The following MTMR2 variants were observed in gnomAD, a reference collection of about 807,000 sequenced individuals.
The protein encoded by MTMR2 is phosphatidylinositol-3,5-bisphosphate 3-phosphatase MTMR2.
A neutral mutation model predicts 86.9 loss-of-function variants in MTMR2; 55 were observed. The observed-to-expected ratio is 0.63, with a 90% CI of 0.51 to 0.79. The LOEUF is 0.79. MTMR2 is among the 30% of genes least tolerant of loss of function. MTMR2 has a pLI of 0.00. For missense variants in MTMR2, 659 were observed against 772.3 expected (o/e 0.85, Z 1.74); for synonymous variants, 241 against 266.8 (o/e 0.90, Z 0.94).
chr11:95,900,206 C>T (rs1382433900), intron 1 of MTMR2, among the ~76,000 whole-genome samples: 1 of 152,080 alleles, frequency 6.6e-6, no homozygotes, highest in Non-Finnish European at 1.5e-5. Context: ...ACTTGAGGTT[C>T]TTGCAAAACA....
rs12385798 is a variant in MTMR2 at position 95,888,137 on chromosome 11, T to A, written c.186+19A>T. The A allele has an allele frequency of 0.047, 73,323 of 1,550,676 alleles. 3,496 individuals are homozygous for A. The highest frequency in any genetic ancestry group is 0.18 in the African/African-American group (13,475 of 73,776). On this transcript the variant is annotated intron_variant, in intron 2 of 14. Transcript: ENST00000346299. ...TTAACAGAAAGTACTTCATCAGAACTTTAAAATAGTATACATACCCTCAAA... is the reference window on the plus strand; with the variant it reads ...TTAACAGAAAGTACTTCATCAGAACATTAAAATAGTATACATACCCTCAAA...
intron 1 of MTMR2, among the ~76,000 whole-genome samples, chr11:95,900,506 T>G (rs1248009135): frequency 6.6e-6 from 1 of 152,218 alleles, no homozygotes; most frequent in Admixed American, 6.5e-5. Context: ...GTTTTAGAAA[T>G]ACTTATTTGA....
intron 1 of MTMR2, among the ~76,000 whole-genome samples, chr11:95,891,385 A>AG (rs1339540800): frequency 6.6e-6 from 1 of 151,734 alleles, no homozygotes; most frequent in Non-Finnish European, 1.5e-5. Flanking sequence ...TGGCAGGTAG[A>AG]GGTTGCAGTG....
At chr11:95,855,269 T>G (rs1864168481) in intron 7 of MTMR2, among the ~76,000 whole-genome samples, 1 of 152,204 alleles carries the variant, frequency 6.6e-6, no homozygotes, top group Non-Finnish European at 1.5e-5. Flanking sequence ...ATTTACTTAT[T>G]TTTTGAGACA....
At position 95,863,283 on chromosome 11, in the gene MTMR2, T is replaced by C. The variant is rs188652996; in HGVS notation, c.263-917A>G. On this transcript the variant is annotated intron_variant, in intron 3 of 14. Coordinates refer to ENST00000346299, the MANE Select transcript of MTMR2 (RefSeq NM_016156.6). ...CCTTTCAACGGGCTTCTGGGAAAAC[T>C]TGGGGCCATGAAATATATTTAATAA... Among the ~76,000 whole-genome samples the C allele has an allele frequency of 1.3e-3, 193 of 152,250 alleles. 1 individual carries two copies. The highest frequency in any genetic ancestry group is 4.3e-3 in the African/African-American group (179 of 41,544).
At chr11:95,855,251 TTTTA>T (rs35899327) in intron 7 of MTMR2, among the ~76,000 whole-genome samples, 21,465 of 152,032 alleles carry the variant, frequency 0.14, 2,038 homozygotes, top group African/African-American at 0.26. Flanking sequence ...CTTTGTCCAT[TTTTA>T]TTTATTTACT....
chr11:95,873,401 G>A (rs2135508786), intron 2 of MTMR2, among the ~76,000 whole-genome samples: 1 of 152,300 alleles, frequency 6.6e-6, no homozygotes, highest in Non-Finnish European at 1.5e-5. Context: ...GCATAGAGGT[G>A]TTTATAGTAT....
chr11:95,848,402 C>G (rs1863884982), intron 9 of MTMR2, among the ~76,000 whole-genome samples: 1 of 152,084 alleles, frequency 6.6e-6, no homozygotes, highest in African/African-American at 2.4e-5. Context: ...TCTTTTTTAA[C>G]CACATAATTC....
chr11:95,897,593 C>A (rs1474839883), intron 1 of MTMR2, among the ~76,000 whole-genome samples: 1 of 152,114 alleles, frequency 6.6e-6, no homozygotes, highest in Non-Finnish European at 1.5e-5. Flanking sequence ...TGACATCTAT[C>A]AACAAATATT....
rs147373384 is a variant in MTMR2 at position 95,865,899 on chromosome 11, C to T, written c.187-223G>A. Among the ~76,000 whole-genome samples, 220 of 146,130 alleles carry T rather than the reference C, an allele frequency of 1.5e-3. 2 individuals are homozygous for T. The highest frequency in any genetic ancestry group is 4.3e-3 in the South Asian group (21 of 4,830). On this transcript the variant is annotated intron_variant, in intron 2 of 14. Transcript: ENST00000346299. Reference sequence around the variant, plus strand: ...GCTTAAATCATATCAAAGCACTCTACATTTGTTACACAAAAAATTGTACAT... The same window carrying T: ...GCTTAAATCATATCAAAGCACTCTATATTTGTTACACAAAAAATTGTACAT...
At chr11:95,884,674 C>T (rs1430731593) in intron 2 of MTMR2, among the ~76,000 whole-genome samples, 1 of 152,068 alleles carries the variant, frequency 6.6e-6, no homozygotes, top group Admixed American at 6.6e-5. Context: ...TTGTTAGAAG[C>T]ACATCCCTTC....
At position 95,847,610 on chromosome 11, in the gene MTMR2, G is replaced by A. The variant is rs541804986; in HGVS notation, c.1179+104C>T. 9.4e-6 allele frequency: 10 copies of A among 1,064,164 alleles called. No individual in the cohort carries two copies. The African/African-American group carries it at 1.6e-4, about 17-fold the overall frequency. The allele number at this position is 1,064,164 out of a possible 1,614,324, so 65.9% of individuals were successfully genotyped here. ...TCAAAGCATTTACCCATTTTTCATT[G>A]TTTAGAAAGGTACCTTCATGTTGAT... On this transcript the variant is annotated intron_variant, in intron 10 of 14. Coordinates refer to ENST00000346299, the MANE Select transcript of MTMR2 (RefSeq NM_016156.6).
At chr11:95,857,393 T>A (rs564467377) in intron 7 of MTMR2, among the ~76,000 whole-genome samples, 159 bp downstream of exon 7, 1 of 152,110 alleles carries the variant, frequency 6.6e-6, no homozygotes, top group Non-Finnish European at 1.5e-5. Flanking sequence ...AAGAATGATA[T>A]ACTAAAACAG....
intron 1 of MTMR2, among the ~76,000 whole-genome samples, chr11:95,893,079 C>G (rs1565377415): frequency 6.6e-6 from 1 of 152,090 alleles, no homozygotes; most frequent in Non-Finnish European, 1.5e-5. Context: ...CTATCATCCA[C>G]CCACCCATCC....
At chr11:95,854,513 T>C (rs1336134476) in intron 7 of MTMR2, among the ~76,000 whole-genome samples, 4 of 152,242 alleles carry the variant, frequency 2.6e-5, no homozygotes, top group Non-Finnish European at 1.5e-5. Flanking sequence ...TTCACCAGGC[T>C]GGACTGCAGT....
chr11:95,877,396 A>T (rs1197378643), intron 2 of MTMR2, among the ~76,000 whole-genome samples: 1 of 105,042 alleles, frequency 9.5e-6, no homozygotes, highest in Non-Finnish European at 1.8e-5. Context: ...TTGGTTTTTC[A>T]GCTGAAACCA....
intron 1 of MTMR2, among the ~76,000 whole-genome samples, chr11:95,900,137 T>C (rs977177566): frequency 6.6e-6 from 1 of 152,088 alleles, no homozygotes; most frequent in Admixed American, 6.6e-5. Context: ...GCGAGCAGGT[T>C]TGGCTAGGAT....
chr11:95,893,954 A>C (rs1230937652), intron 1 of MTMR2, among the ~76,000 whole-genome samples: 1 of 152,180 alleles, frequency 6.6e-6, no homozygotes, highest in Admixed American at 6.6e-5. Flanking sequence ...CCCTTGCTTA[A>C]ATCTTCATTG....
chr11:95,856,311 A>G (rs1590990945), intron 7 of MTMR2, among the ~76,000 whole-genome samples: 1 of 150,350 alleles, frequency 6.7e-6, no homozygotes, highest in Non-Finnish European at 1.5e-5. Context: ...AATTTTGTAC[A>G]GAATGCAAGT....
Sources: allele counts gnomAD v4.1 joint callset (sites outside exome capture counted in the v4.1 genomes callset), GRCh38; gene constraint gnomAD v4.1.1; transcripts MANE v1.5; gene names NCBI Gene and HGNC (gene_info 2026-07-23, HGNC 2026-07-21).